Variants in ARHGEF9 observed in about 807,000 individuals in gnomAD.
ARHGEF9 encodes the protein rho guanine nucleotide exchange factor 9.
ARHGEF9 carries 2 observed loss-of-function variants against 41.3 expected under a neutral mutation model. The observed-to-expected ratio is 0.05, with a 90% confidence interval of 0.02 to 0.15. The LOEUF (loss-of-function observed/expected upper bound fraction) is 0.15. ARHGEF9 is among the 10% of genes least tolerant of loss of function. The probability of loss-of-function intolerance (pLI) is 1.00; values close to 1 mark genes in which losing one functional copy is unlikely to be tolerated. For synonymous variants in ARHGEF9, 160 were observed against 154.4 expected, an observed-to-expected ratio of 1.04 and a Z score of -0.27; for missense variants, 225 against 424.7, an observed-to-expected ratio of 0.53 and a Z score of 4.13.
At chrX:63,770,131 G>A (rs1297724505) in intron 1 of ARHGEF9, among the ~76,000 whole-genome samples, 1 of 112,385 alleles carries the variant, frequency 8.9e-6, no homozygotes, top group Non-Finnish European at 1.9e-5. Context: ...AGCCACAGGG[G>A]TGGAGCTGCC....
intron 8 of ARHGEF9, among the ~76,000 whole-genome samples, chrX:63,650,902 TATG>T (rs2147194233): frequency 9.0e-6 from 1 of 111,120 alleles, no homozygotes; most frequent in East Asian, 2.8e-4. Context: ...TTATGGAAGA[TATG>T]ATAATTAGAA....
At chrX:63,772,358 A>G (rs113993466) in intron 1 of ARHGEF9, among the ~76,000 whole-genome samples, 2,698 of 111,683 alleles carry the variant, frequency 0.024, 54 homozygotes, top group African/African-American at 0.052. Context: ...TCTCCTATCC[A>G]TTCTCTACAG....
At chrX:63,664,113 C>T (rs2049378209) in intron 7 of ARHGEF9, among the ~76,000 whole-genome samples, 1 of 112,523 alleles carries the variant, frequency 8.9e-6, no homozygotes, top group Non-Finnish European at 1.9e-5. Context: ...GCCAGCTTAG[C>T]TGGTTTGAAT....
chrX:63,775,712 A>G (rs1348719071), intron 1 of ARHGEF9, among the ~76,000 whole-genome samples: 1 of 111,731 alleles, frequency 9.0e-6, no homozygotes, highest in Non-Finnish European at 1.9e-5. Flanking sequence ...CTGAAAAAAT[A>G]CCTATTGAGT....
chrX:63,655,756 G>T lies in ARHGEF9; in HGVS notation c.1078-19C>A. ...TTAGGTCCTAGATGGGAAGGAAGAGGTTTCTTGAAGGTATGTGCACGGCGA... is the reference window on the plus strand; with the variant it reads ...TTAGGTCCTAGATGGGAAGGAAGAGTTTTCTTGAAGGTATGTGCACGGCGA... On this transcript the variant is annotated intron_variant, in intron 7 of 9. Transcript: ENST00000671741. 2 of 1,204,546 alleles carry T rather than the reference G, an allele frequency of 1.7e-6. No individual in the cohort carries two copies. The highest frequency in any genetic ancestry group is 2.2e-6 in the Non-Finnish European group (2 of 894,563).
chrX:63,694,227 T>C (rs2051581932), intron 4 of ARHGEF9, among the ~76,000 whole-genome samples: 2 of 110,623 alleles, frequency 1.8e-5, no homozygotes, highest in Non-Finnish European at 3.8e-5. Context: ...TTGATGACCA[T>C]GTGGAGTAAC....
intron 1 of ARHGEF9, among the ~76,000 whole-genome samples, chrX:63,740,205 G>A (rs1257375371): frequency 8.9e-6 from 1 of 112,073 alleles, no homozygotes; most frequent in Non-Finnish European, 1.9e-5. Context: ...CCTAAATGCT[G>A]CAAATCTGTT....
At chrX:63,695,177 C>T (rs1280674968) in intron 4 of ARHGEF9, among the ~76,000 whole-genome samples, 1 of 112,096 alleles carries the variant, frequency 8.9e-6, no homozygotes, top group Non-Finnish European at 1.9e-5. Context: ...CTACAGACAT[C>T]TAGTGGCTAG....
intron 6 of ARHGEF9, among the ~76,000 whole-genome samples, chrX:63,667,696 T>C (rs1326827503): frequency 6.3e-5 from 7 of 110,748 alleles, no homozygotes; most frequent in African/African-American, 2.0e-4. Context: ...TTTCTAATAA[T>C]AGAACCCCCC....
chrX:63,655,306 A>T (rs2048811011), intron 8 of ARHGEF9, among the ~76,000 whole-genome samples, 188 bp downstream of exon 8: 1 of 112,195 alleles, frequency 8.9e-6, no homozygotes, highest in South Asian at 3.7e-4. Context: ...CCTATAGTTC[A>T]AACCTACCAC....
At chrX:63,762,825 A>C (rs782457142) in intron 1 of ARHGEF9, among the ~76,000 whole-genome samples, 2 of 111,501 alleles carry the variant, frequency 1.8e-5, no homozygotes, top group Non-Finnish European at 3.8e-5. Flanking sequence ...TATCCCTGAG[A>C]CATCAAGACC....
chrX:63,698,805 T>C (rs2051952857), intron 3 of ARHGEF9, among the ~76,000 whole-genome samples: 1 of 112,241 alleles, frequency 8.9e-6, no homozygotes, highest in Admixed American at 9.5e-5. Flanking sequence ...AGTCTATGCC[T>C]GTGTTGACAT....
chrX:63,758,414 T>G (rs781881153), intron 1 of ARHGEF9, among the ~76,000 whole-genome samples: 77 of 112,721 alleles, frequency 6.8e-4, no homozygotes, highest in African/African-American at 2.3e-3. Flanking sequence ...CAGTGGTTTA[T>G]TTTTGCAGCT....
intron 4 of ARHGEF9, among the ~76,000 whole-genome samples, chrX:63,687,467 T>C (rs782439406): frequency 5.4e-4 from 60 of 111,021 alleles, no homozygotes; most frequent in Non-Finnish European, 1.3e-4. Context: ...CACAGACATA[T>C]ATCCATAGAA....
At chrX:63,737,922 A>T (rs192594118) in intron 1 of ARHGEF9, among the ~76,000 whole-genome samples, 2 of 112,682 alleles carry the variant, frequency 1.8e-5, no homozygotes, top group African/African-American at 6.4e-5. Flanking sequence ...ATAATAAAAA[A>T]TGGCTAACAT....
intron 6 of ARHGEF9, among the ~76,000 whole-genome samples, chrX:63,666,449 T>TACACACACACAC (rs782141996): frequency 3.3e-3 from 65 of 19,845 alleles, no homozygotes; most frequent in South Asian, 5.2e-3. Context: ...CATATATATA[T>TACACACACACAC]ACATACACAC....
chrX:63,685,444 T>C (rs781931384), intron 4 of ARHGEF9, among the ~76,000 whole-genome samples: 1 of 111,827 alleles, frequency 8.9e-6, no homozygotes, highest in South Asian at 3.7e-4. Context: ...TGTTTGCTTG[T>C]TTTTGGTAAA....
chrX:63,657,423 C>A (rs1423112250), intron 7 of ARHGEF9: 1 of 111,813 alleles, frequency 8.9e-6, no homozygotes, highest in East Asian at 2.8e-4. Flanking sequence ...GGTTTCCCAG[C>A]ATAGCTCTGT....
chrX:63,735,415 G>A (rs2054551331), intron 1 of ARHGEF9, among the ~76,000 whole-genome samples: 1 of 111,370 alleles, frequency 9.0e-6, no homozygotes, highest in Admixed American at 9.5e-5. Context: ...CACATGCATG[G>A]TTCTATACTC....
Sources: allele counts gnomAD v4.1 joint callset (sites outside exome capture counted in the v4.1 genomes callset), GRCh38; gene constraint gnomAD v4.1.1; transcripts MANE v1.5; gene names NCBI Gene and HGNC (gene_info 2026-07-23, HGNC 2026-07-21).